NCKAP5: variants seen among roughly 807,000 people sequenced by gnomAD.
NCKAP5 encodes nck-associated protein 5.
A neutral mutation model predicts 167.0 loss-of-function variants in NCKAP5; 92 were observed. The observed-to-expected ratio is 0.55, with a 90% CI of 0.47 to 0.66. The LOEUF is 0.66. Among genes scored for constraint, NCKAP5 ranks in the 30% least tolerant of loss-of-function variants. The pLI is 0.00. For missense variants in NCKAP5, 2,378 were observed against 2,315.0 expected, an observed-to-expected ratio of 1.03 and a Z score of -0.56; for synonymous variants, 891 against 877.4, an observed-to-expected ratio of 1.02 and a Z score of -0.27.
At chr2:133,578,497 G>A in the NCKAP5 span, among the ~76,000 whole-genome samples, 2 of 152,168 alleles carry the variant, frequency 1.3e-5, no homozygotes, top group African/African-American at 4.8e-5. Flanking sequence ...CTCACCCAAG[G>A]ACCCTTCTTC....
At chr2:133,082,967 C>T (rs1306093185) in intron 6 of NCKAP5, among the ~76,000 whole-genome samples, 2 of 152,018 alleles carry the variant, frequency 1.3e-5, no homozygotes, top group Admixed American at 6.6e-5. Context: ...GCATTCCTCC[C>T]CAGAAACGAA....
chr2:132,679,708 C>T (rs1684954484), intron 19 of NCKAP5, among the ~76,000 whole-genome samples: 2 of 152,160 alleles, frequency 1.3e-5, no homozygotes, highest in South Asian at 2.1e-4. Flanking sequence ...TCTGTTTAAT[C>T]AAGGGTTTTG....
At chr2:133,340,454 C>A (rs1683499612) in intron 3 of NCKAP5, among the ~76,000 whole-genome samples, 1 of 152,116 alleles carries the variant, frequency 6.6e-6, no homozygotes, top group Admixed American at 6.5e-5. Context: ...CCTCTCTTTC[C>A]ATTCCACAAA....
Position 132,963,861 on chromosome 2 carries a change from C to G in NCKAP5, c.438G>C (p.Leu146=). 6.2e-7 allele frequency: 1 copy of G among 1,613,656 alleles called. No individual in the cohort carries two copies. Among genetic ancestry groups the G allele is most frequent in the East Asian group, 2.2e-5 (1 of 44,870 alleles). The part of the protein sequence containing the change: ...TVNIMVYQEK[L]SEEERKHKEA... Reference sequence around the variant, plus strand: ...CCTTATGTTTTCTCTCTTCCTCTGACAGCTTTTCCTGAAGCAAGAAAGAAT... The same window carrying G: ...CCTTATGTTTTCTCTCTTCCTCTGAGAGCTTTTCCTGAAGCAAGAAAGAAT... The change falls in exon 8 of 20, where the codon CTG becomes CTC. Residue 146 remains leucine (L), a synonymous_variant. Transcript: ENST00000409261.
At chr2:132,977,419 G>A (rs905873012) in intron 7 of NCKAP5, among the ~76,000 whole-genome samples, 1 of 152,086 alleles carries the variant, frequency 6.6e-6, no homozygotes, top group Non-Finnish European at 1.5e-5. Flanking sequence ...GATTTTGCAC[G>A]CTTATCCTTT....
At chr2:133,425,930 C>T (rs1462670158) in intron 3 of NCKAP5, among the ~76,000 whole-genome samples, 1 of 152,142 alleles carries the variant, frequency 6.6e-6, no homozygotes, top group Non-Finnish European at 1.5e-5. Context: ...AACACAAAAA[C>T]TCTCAAGTGC....
intron 8 of NCKAP5, among the ~76,000 whole-genome samples, chr2:132,893,985 T>C (rs1284503881): frequency 6.6e-6 from 1 of 152,116 alleles, no homozygotes; most frequent in Non-Finnish European, 1.5e-5. Flanking sequence ...TACCCGGGCA[T>C]CCCGCTGCCA....
At chr2:132,961,708 T>G (rs72850177) in intron 8 of NCKAP5, among the ~76,000 whole-genome samples, 468 of 152,336 alleles carry the variant, frequency 3.1e-3, no homozygotes, top group Non-Finnish European at 5.4e-3. Context: ...AAATACATTT[T>G]TTAAAGACCT....
chr2:132,695,772 T>C (rs1376991623), intron 19 of NCKAP5, among the ~76,000 whole-genome samples: 3 of 152,184 alleles, frequency 2.0e-5, no homozygotes, highest in Non-Finnish European at 4.4e-5. Context: ...TCACCCATAT[T>C]TGCATTTCCC....
At chr2:133,177,164 C>CTATATATATATATATATATATATATATA (rs61395261) in intron 5 of NCKAP5, among the ~76,000 whole-genome samples, 2 of 138,636 alleles carry the variant, frequency 1.4e-5, no homozygotes, top group African/African-American at 2.9e-5. Flanking sequence ...GTTTTGTTTT[C>CTATATATATATATATATATATATATATA]TATATATATA....
intron 2 of NCKAP5, among the ~76,000 whole-genome samples, chr2:133,533,073 C>T (rs917528404): frequency 6.6e-6 from 1 of 152,164 alleles, no homozygotes; most frequent in African/African-American, 2.4e-5. Flanking sequence ...TAGGGGCACA[C>T]TCATTTAAAG....
intron 3 of NCKAP5, among the ~76,000 whole-genome samples, chr2:133,306,383 G>A (rs555218511): frequency 2.2e-4 from 34 of 152,278 alleles, no homozygotes; most frequent in African/African-American, 8.2e-4. Flanking sequence ...ACAAGAGAGA[G>A]GACATGATCC....
chr2:133,459,945 T>C (rs975215484), intron 3 of NCKAP5, among the ~76,000 whole-genome samples: 1 of 152,208 alleles, frequency 6.6e-6, no homozygotes, highest in African/African-American at 2.4e-5. Flanking sequence ...GTTTGATATT[T>C]AAAACATTGA....
intron 2 of NCKAP5, among the ~76,000 whole-genome samples, chr2:133,546,793 T>C (rs1307565650): frequency 6.6e-6 from 1 of 152,210 alleles, no homozygotes; most frequent in South Asian, 2.1e-4. Flanking sequence ...TATCTAGGCA[T>C]TCTGCTAACC....
the NCKAP5 span, among the ~76,000 whole-genome samples, chr2:133,627,642 G>A: frequency 2.6e-5 from 4 of 152,120 alleles, no homozygotes; most frequent in African/African-American, 4.8e-5. Context: ...GTGTGGTGAC[G>A]TGCATCTGTA....
chr2:133,423,020 G>A (rs1010776585), intron 3 of NCKAP5, among the ~76,000 whole-genome samples: 2 of 152,082 alleles, frequency 1.3e-5, no homozygotes, highest in African/African-American at 4.8e-5. Flanking sequence ...CACAGCCTGG[G>A]GATCTCAATA....
the NCKAP5 span, among the ~76,000 whole-genome samples, chr2:133,627,499 G>A: frequency 2.6e-5 from 4 of 152,044 alleles, no homozygotes; most frequent in African/African-American, 4.8e-5. Context: ...TTTAGGCCAG[G>A]CACAGTGCTT....
chr2:133,169,478 G>A (rs2084144748), intron 5 of NCKAP5, among the ~76,000 whole-genome samples: 2 of 152,140 alleles, frequency 1.3e-5, no homozygotes, highest in Admixed American at 6.5e-5. Context: ...TTCTCCTCTC[G>A]CAGAGTGTCT....
At chr2:133,136,867 T>TG (rs2082805430) in intron 5 of NCKAP5, among the ~76,000 whole-genome samples, 1 of 152,066 alleles carries the variant, frequency 6.6e-6, no homozygotes, top group Admixed American at 6.5e-5. Context: ...CAACATCCAA[T>TG]GTGCACTCAA....
Sources: gnomAD v4.1 joint callset for allele counts (sites outside exome capture counted in the v4.1 genomes callset) on GRCh38, gnomAD v4.1.1 for gene constraint, MANE v1.5 for transcripts, NCBI Gene and HGNC (gene_info 2026-07-23, HGNC 2026-07-21) for gene names.